The following CKAP2 variants were observed in gnomAD, a reference collection of about 807,000 sequenced individuals.
CKAP2 encodes the protein cytoskeleton associated protein 2, also known as cytoskeleton-associated protein 2.
CKAP2 carries 46 observed loss-of-function variants against 58.4 expected under a neutral mutation model. That is an observed-to-expected ratio of 0.79 (90% CI 0.62 to 1.01). CKAP2 has a LOEUF of 1.01. Among genes scored for constraint, CKAP2 ranks in the 50% least tolerant of loss-of-function variants. The pLI, the probability that CKAP2 is intolerant of heterozygous loss-of-function variation, is 0.00. For synonymous variants in CKAP2, 293 were observed against 280.9 expected (o/e 1.04, Z -0.43); for missense variants, 809 against 796.4 (o/e 1.02, Z -0.19).
intron 1 of CKAP2, chr13:52,456,124 C>T (rs911869125): frequency 2.9e-6 from 3 of 1,022,574 alleles, no homozygotes; most frequent in Non-Finnish European, 3.5e-6. Flanking sequence ...ATTGTTATTC[C>T]CTTATTCTAC....
chr13:52,461,939 A>C lies in CKAP2; in HGVS notation c.1100+13A>C, dbSNP rs1434627080. The C allele has an allele frequency of 3.2e-6, 5 of 1,559,960 alleles. No homozygotes were observed. The highest frequency in any genetic ancestry group is 4.3e-6 in the Non-Finnish European group (5 of 1,158,384). ...CGGAAGAGAGAAAGTAAGTAGATAT[A>C]ATTTTCTTTATTACATTAGTTTTCA... is the stretch of plus-strand genomic sequence containing the variant. On this transcript the variant is annotated intron_variant, in intron 4 of 8. Coordinates refer to ENST00000258607, the MANE Select transcript of CKAP2 (RefSeq NM_018204.5).
At chr13:52,474,181 C>T in intron 8 of CKAP2, 97 bp downstream of exon 8, 1 of 1,230,430 alleles carries the variant, frequency 8.1e-7, no homozygotes, top group Admixed American at 2.3e-5. Flanking sequence ...TTACAGCTAC[C>T]ATTTATTAAT....
intron 5 of CKAP2, among the ~76,000 whole-genome samples, chr13:52,464,720 G>T (rs750007774): frequency 9.9e-5 from 15 of 151,914 alleles, no homozygotes; most frequent in Non-Finnish European, 1.9e-4. Flanking sequence ...TTTCCTGACT[G>T]CTCTTTAATC....
At chr13:52,465,166 CTAA>C (rs1203229775) in intron 5 of CKAP2, 126 bp from the exon 6 acceptor site, 12 of 687,626 alleles carry the variant, frequency 1.7e-5, no homozygotes, top group South Asian at 4.7e-5. Context: ...AATTTCTCAA[CTAA>C]TGTTTCATTT....
intron 5 of CKAP2, 96 bp from the exon 6 acceptor site, chr13:52,465,199 C>T: frequency 2.9e-6 from 3 of 1,024,902 alleles, no homozygotes; most frequent in East Asian, 4.8e-5. Context: ...ATGCTTAGGG[C>T]TATCGTTATC....
chr13:52,465,317 T>C lies in CKAP2; in HGVS notation c.1328T>C (p.Leu443Pro), dbSNP rs377639183. ...INEGCPKEDI[L>P]VTLNDLIKNI... ...TAGGGATGTCCAAAAGAAGATATAC[T>C]GGTCACACTGAATGACCTGATTAAA... The change falls in exon 6 of 9, where the codon CTG (leucine) becomes CCG (proline). Residue 443 changes from leucine to proline, a missense_variant. This residue lies in a region of CKAP2 where 283 missense variants were observed against 287.6 expected (regional missense o/e 0.98). Coordinates refer to ENST00000258607, the MANE Select transcript of CKAP2 (RefSeq NM_018204.5). The C allele has an allele frequency of 1.2e-6, 2 of 1,612,212 alleles. No homozygotes were observed. Among genetic ancestry groups the C allele is most frequent in the African/African-American group, 2.7e-5 (2 of 74,830 alleles).
At chr13:52,474,562 T>C (rs1464205148) in intron 8 of CKAP2, among the ~76,000 whole-genome samples, 3 of 152,204 alleles carry the variant, frequency 2.0e-5, no homozygotes, top group Non-Finnish European at 4.4e-5. Context: ...TTAAATACTG[T>C]ATTTACTTTC....
chr13:52,463,365 C>T (rs1369987993), intron 5 of CKAP2, among the ~76,000 whole-genome samples: 1 of 152,208 alleles, frequency 6.6e-6, no homozygotes, highest in Non-Finnish European at 1.5e-5. Flanking sequence ...TTGTCAGCCA[C>T]CCATGGGACA....
intron 5 of CKAP2, among the ~76,000 whole-genome samples, chr13:52,463,550 G>A (rs757262580): frequency 3.3e-5 from 5 of 152,092 alleles, no homozygotes; most frequent in Admixed American, 6.5e-5. Flanking sequence ...TCATCAGAAC[G>A]CCTGTATCAG....
intron 2 of CKAP2, among the ~76,000 whole-genome samples, chr13:52,457,849 G>T (rs895198177): frequency 2.6e-5 from 3 of 117,394 alleles, no homozygotes; most frequent in Admixed American, 8.6e-5. Flanking sequence ...GCGAGACTCC[G>T]TCTCAAAAAA....
chr13:52,460,773 A>G lies in CKAP2; in HGVS notation c.156-126A>G, dbSNP rs1015408411. On this transcript the variant is annotated intron_variant, in intron 2 of 8. Coordinates refer to ENST00000258607, the MANE Select transcript of CKAP2 (RefSeq NM_018204.5). ...GGCCGCTTAGGACAAATTTCAACTC[A>G]GGTCTTTTTTAAATTTAAAATTAGT... 3.8e-5 allele frequency: 28 copies of G among 728,254 alleles called. No individual in the cohort carries two copies. The Admixed American group carries it at 1.2e-3, about 31-fold the overall frequency. The allele number at this position is 728,254 out of a possible 1,614,324, so 45.1% of individuals were successfully genotyped here. A position where few individuals can be genotyped will look rare whatever the true frequency, so the allele number is the denominator to read the frequency against.
Position 52,473,858 on chromosome 13 carries a change from A to G in CKAP2, c.1576A>G (p.Lys526Glu), listed in dbSNP as rs1304828179. 1.9e-6 allele frequency: 3 copies of G among 1,611,682 alleles called. No individual in the cohort carries two copies. Among genetic ancestry groups the G allele is most frequent in the Non-Finnish European group, 2.5e-6 (3 of 1,179,040 alleles). Reference protein sequence around the residue: ...GENMEKSCASKEEVKEVSIED... With the variant: ...GENMEKSCASEEEVKEVSIED... ...AAATATGGAGAAGTCTTGTGCAAGCAAGGAAGAAGTCAAAGAAGTCAGTAT... is the reference window on the plus strand; with the variant it reads ...AAATATGGAGAAGTCTTGTGCAAGCGAGGAAGAAGTCAAAGAAGTCAGTAT... Residue 526 changes from lysine (K) to glutamate (E), a missense_variant, in exon 8 of 9, where the codon AAG (lysine) becomes GAG (glutamate). Physicochemically the swap from Lys to Glu is moderately conservative, Grantham distance 56. Coordinates refer to ENST00000258607, the MANE Select transcript of CKAP2 (RefSeq NM_018204.5).
rs771073982 is a variant in CKAP2, at chr13:52,461,461, C to T, written c.635C>T (p.Pro212Leu). The T allele has an allele frequency of 6.2e-7, 1 of 1,614,030 alleles. No individual in the cohort carries two copies. ...AATKKLSATIPKATKPQPVNT... is the reference protein window; with the variant it reads ...AATKKLSATILKATKPQPVNT... ...ACAAAGAAACTTTCAGCCACTATAC[C>T]TAAAGCCACAAAACCTCAGCCTGTA... Residue 212 changes from proline to leucine, a missense_variant, in exon 4 of 9, where the codon CCT (proline) becomes CTT (leucine). Physicochemically the swap from Pro to Leu is moderately conservative, Grantham distance 98. Around this residue, in one of 3 missense-constraint regions of CKAP2, gnomAD observed 523 missense variants for 492.4 expected, o/e 1.06. Coordinates refer to ENST00000258607, the MANE Select transcript of CKAP2 (RefSeq NM_018204.5).
intron 6 of CKAP2, among the ~76,000 whole-genome samples, chr13:52,466,040 T>TAC (rs140121238): frequency 2.2e-4 from 33 of 151,764 alleles, no homozygotes; most frequent in Admixed American, 1.5e-3. Flanking sequence ...TACACATATA[T>TAC]ACACACACAC....
chr13:52,462,783 A>G (rs1232700259), intron 5 of CKAP2, among the ~76,000 whole-genome samples: 1 of 152,174 alleles, frequency 6.6e-6, no homozygotes, highest in Non-Finnish European at 1.5e-5. Context: ...AACTGACTAC[A>G]TTTTGCATTG....
In CKAP2 at chr13:52,461,493, A is replaced by G; in HGVS notation, c.667A>G (p.Ser223Gly). The G allele has an allele frequency of 1.2e-6, 2 of 1,614,200 alleles. No individual in the cohort carries two copies. The highest frequency in any genetic ancestry group is 1.7e-6 in the Non-Finnish European group (2 of 1,180,046). Residue 223 changes from serine (S) to glycine (G), a missense_variant, in exon 4 of 9, where the codon AGC becomes GGC. Ser to Gly is a moderately conservative substitution (Grantham distance 56). Coordinates refer to ENST00000258607, the MANE Select transcript of CKAP2 (RefSeq NM_018204.5). ...CACAAAACCTCAGCCTGTAAACACC[A>G]GCAGTGTAACAGTGAAAAGTAATAG... ...KATKPQPVNT[S>G]SVTVKSNRSS...
At chr13:52,468,243 T>G in intron 6 of CKAP2, 35 bp from the exon 7 acceptor site, 1 of 1,317,596 alleles carries the variant, frequency 7.6e-7, no homozygotes, top group Non-Finnish European at 1.1e-6. Context: ...AAATAAAACT[T>G]ACATGGATCT....
chr13:52,461,616 C>A lies in CKAP2; in HGVS notation c.790C>A (p.Arg264=). ...TATTAGAAGTCATCACAGTAATACC[C>A]GGGACACTGTGAAACAAGGCATCAG... is the stretch of plus-strand genomic sequence containing the variant. The part of the protein sequence containing the change: ...PPIRSHHSNT[R]DTVKQGISRT... The change falls in exon 4 of 9, where the codon CGG becomes AGG. Residue 264 remains arginine (R), a synonymous_variant. Coordinates refer to ENST00000258607, the MANE Select transcript of CKAP2 (RefSeq NM_018204.5). 6.2e-7 allele frequency: 1 copy of A among 1,613,974 alleles called. No homozygotes were observed. Among genetic ancestry groups the A allele is most frequent in the East Asian group, 2.2e-5 (1 of 44,880 alleles).
chr13:52,473,974 G>C lies in CKAP2; in HGVS notation c.1692G>C (p.Glu564Asp), dbSNP rs758275296. 1 of 1,614,048 alleles carries C rather than the reference G, an allele frequency of 6.2e-7. No individual in the cohort carries two copies. The highest frequency in any genetic ancestry group is 1.3e-5 in the African/African-American group (1 of 75,030). The change falls in exon 8 of 9, where the codon GAG (glutamate) becomes GAC (aspartate). Residue 564 changes from glutamate (E) to aspartate (D), a missense_variant. This residue lies in a region of CKAP2 where 283 missense variants were observed against 287.6 expected (regional missense o/e 0.98). Transcript: ENST00000258607. ...RNLLFQDCEK[E>D]QDNKTKDPTH... is the part of the protein sequence containing the mutation. ...TGCTATTTCAAGATTGTGAAAAAGA[G>C]CAAGACAACAAAACAAAAGATCCAA...
Sources: gnomAD v4.1 joint callset for allele counts (sites outside exome capture counted in the v4.1 genomes callset) on GRCh38, gnomAD v4.1.1 for gene constraint, gnomAD v4.1.1 regional missense constraint, MANE v1.5 for transcripts, NCBI Gene and HGNC (gene_info 2026-07-23, HGNC 2026-07-21) for gene names.